MTUS2: variants seen among roughly 807,000 people sequenced by gnomAD.
MTUS2 encodes microtubule associated scaffold protein 2.
Under a neutral mutation model 114.1 loss-of-function variants are expected in MTUS2, and 40 were observed. The observed-to-expected ratio is 0.35, with a 90% CI of 0.27 to 0.46. The LOEUF (loss-of-function observed/expected upper bound fraction) is 0.46, where lower values mean the gene tolerates loss of function less well. Among genes scored for constraint, MTUS2 ranks in the 20% least tolerant of loss-of-function variants. The pLI is 1.00. For missense variants in MTUS2, 1,679 were observed against 1,705.4 expected (o/e 0.98, Z 0.27); for synonymous variants, 688 against 672.0 (o/e 1.02, Z -0.37).
chr13:29,027,138 A>G (rs947944342), intron 3 of MTUS2, among the ~76,000 whole-genome samples: 3 of 152,240 alleles, frequency 2.0e-5, no homozygotes, highest in Non-Finnish European at 4.4e-5. Flanking sequence ...AAGGAGACCC[A>G]TTTAAATTTC....
At chr13:29,210,879 GC>G (rs1895401001) in intron 5 of MTUS2, among the ~76,000 whole-genome samples, 1 of 152,134 alleles carries the variant, frequency 6.6e-6, no homozygotes, top group Non-Finnish European at 1.5e-5. Flanking sequence ...AGTTTTTAGT[GC>G]ACTGGATTAG....
intron 8 of MTUS2, among the ~76,000 whole-genome samples, chr13:29,422,832 C>T (rs764505661): frequency 1.8e-4 from 27 of 151,906 alleles, no homozygotes; most frequent in Non-Finnish European, 3.2e-4. Context: ...GGGTTTCACC[C>T]TGTTGGCCAG....
chr13:29,287,015 G>A (rs961649279), intron 6 of MTUS2, among the ~76,000 whole-genome samples: 3 of 152,068 alleles, frequency 2.0e-5, no homozygotes, highest in South Asian at 4.2e-4. Flanking sequence ...CTTCCACTTT[G>A]TATTACTTTA....
chr13:28,998,163 T>C (rs996545846), intron 2 of MTUS2, among the ~76,000 whole-genome samples: 1 of 152,116 alleles, frequency 6.6e-6, no homozygotes, highest in African/African-American at 2.4e-5. Context: ...TTAGTTTGGC[T>C]GGATATGAAA....
chr13:29,168,189 C>T (rs1191363005), intron 5 of MTUS2, among the ~76,000 whole-genome samples: 3 of 152,160 alleles, frequency 2.0e-5, no homozygotes, highest in Non-Finnish European at 4.4e-5. Flanking sequence ...CTTCCCTCGA[C>T]GTTAGGTTAT....
intron 5 of MTUS2, among the ~76,000 whole-genome samples, chr13:29,248,816 T>C (rs1897019523): frequency 6.6e-6 from 1 of 152,240 alleles, no homozygotes; most frequent in Admixed American, 6.5e-5. Flanking sequence ...CTCATTCCTT[T>C]TTATGGCTGC....
chr13:29,488,283 C>T lies in MTUS2; in HGVS notation c.3505+278C>T, dbSNP rs149087776. ...GCGGTAACAAAAGACCAATGCCAGC[C>T]TCAGTCCCACCCCAGGGATTCTGAT... On this transcript the variant is annotated intron_variant, in intron 11 of 15. Coordinates refer to ENST00000612955, the MANE Select transcript of MTUS2 (RefSeq NM_001033602.4). The T allele has an allele frequency of 8.3e-4, 385 of 465,454 alleles. 3 individuals carry two copies. Among genetic ancestry groups the T allele is most frequent in the African/African-American group, 7.3e-3 (371 of 50,982 alleles). The allele number at this position is 465,454 out of a possible 1,614,324, so 28.8% of individuals were successfully genotyped here. A position where few individuals can be genotyped will look rare whatever the true frequency, so the allele number is the denominator to read the frequency against.
chr13:29,015,664 A>C (rs1388324665), intron 2 of MTUS2, among the ~76,000 whole-genome samples: 1 of 152,230 alleles, frequency 6.6e-6, no homozygotes, highest in Non-Finnish European at 1.5e-5. Flanking sequence ...TTATTTAACA[A>C]GACAAAAACT....
intron 2 of MTUS2, among the ~76,000 whole-genome samples, chr13:28,854,459 A>G (rs17072318): frequency 0.12 from 17,827 of 152,164 alleles, 2,238 homozygotes; most frequent in African/African-American, 0.31. Context: ...GGGTTGTCTG[A>G]ATGTGAAGCC....
intron 8 of MTUS2, among the ~76,000 whole-genome samples, chr13:29,425,814 T>C (rs946955561): frequency 6.6e-6 from 1 of 152,202 alleles, no homozygotes; most frequent in African/African-American, 2.4e-5. Flanking sequence ...TGCCCTTCAG[T>C]GCCCTCTGTG....
chr13:29,325,524 G>A (rs1900463908), intron 7 of MTUS2, among the ~76,000 whole-genome samples: 1 of 141,408 alleles, frequency 7.1e-6, no homozygotes, highest in Admixed American at 7.1e-5. Flanking sequence ...AGGAGGAGGA[G>A]GGAGGAAGGA....
chr13:28,839,626 A>G (rs896010136), intron 1 of MTUS2, among the ~76,000 whole-genome samples, 152 bp from the exon 2 acceptor site: 4 of 152,244 alleles, frequency 2.6e-5, no homozygotes, highest in African/African-American at 9.6e-5. Context: ...AACTCCAATT[A>G]TGAAGAGTTT....
intron 9 of MTUS2, among the ~76,000 whole-genome samples, chr13:29,441,105 A>T (rs764648322): frequency 2.0e-4 from 30 of 152,126 alleles, no homozygotes; most frequent in Admixed American, 3.9e-4. Context: ...AACAACAAAT[A>T]ACAGGCCCCT....
chr13:28,821,876 G>A (rs1252312594), intron 1 of MTUS2, among the ~76,000 whole-genome samples: 1 of 152,200 alleles, frequency 6.6e-6, no homozygotes, highest in Non-Finnish European at 1.5e-5. Context: ...GTAGACTTTT[G>A]TGTTTTGTCT....
At chr13:29,428,146 G>T (rs3121756) in intron 8 of MTUS2, among the ~76,000 whole-genome samples, 27,486 of 152,150 alleles carry the variant, frequency 0.18, 2,928 homozygotes, top group East Asian at 0.51. Context: ...TTTCATCAAA[G>T]AAGGCAAAAA....
chr13:28,925,359 C>T (rs1881268252), intron 2 of MTUS2, among the ~76,000 whole-genome samples: 1 of 152,152 alleles, frequency 6.6e-6, no homozygotes, highest in Non-Finnish European at 1.5e-5. Flanking sequence ...CTAATATTTT[C>T]ATTGAGTACA....
At chr13:29,059,750 CATTTCCTAGG>C (rs1888322643) in intron 4 of MTUS2, among the ~76,000 whole-genome samples, 1 of 152,210 alleles carries the variant, frequency 6.6e-6, no homozygotes, top group South Asian at 2.1e-4. Context: ...GCTGTCCTAG[CATTTCCTAGG>C]AAAACAGGAG....
chr13:28,938,379 C>CA (rs200546939), intron 2 of MTUS2, among the ~76,000 whole-genome samples: 13,048 of 105,280 alleles, frequency 0.12, 608 homozygotes, highest in Middle Eastern at 0.18. Context: ...GACTCTGTCT[C>CA]AAAAAAAAAA....
chr13:29,405,604 A>C (rs972990238), intron 8 of MTUS2, among the ~76,000 whole-genome samples: 5 of 152,168 alleles, frequency 3.3e-5, no homozygotes, highest in Non-Finnish European at 5.9e-5. Flanking sequence ...CGCCCACTGC[A>C]CGTTTGCCAT....
Sources: allele counts gnomAD v4.1 joint callset (sites outside exome capture counted in the v4.1 genomes callset), GRCh38; gene constraint gnomAD v4.1.1; transcripts MANE v1.5; gene names NCBI Gene and HGNC (gene_info 2026-07-23, HGNC 2026-07-21).